The following NXPE3 variants were observed in gnomAD, a reference collection of about 807,000 sequenced individuals.
NXPE3 encodes the protein neurexophilin and PC-esterase domain family member 3, also known as NXPE family member 3.
Under a neutral mutation model 46.1 loss-of-function variants are expected in NXPE3, and 26 were observed. That is an observed-to-expected ratio of 0.56 (90% confidence interval 0.41 to 0.78). The LOEUF (loss-of-function observed/expected upper bound fraction) is 0.78. Ranked by LOEUF, NXPE3 falls within the 30% of genes least tolerant of loss-of-function variation. The pLI is 0.00. For missense variants in NXPE3, 620 were observed against 686.0 expected (o/e 0.90, Z 1.07); for synonymous variants, 272 against 257.9 (o/e 1.05, Z -0.52).
At chr3:101,809,963 GT>G in intron 6 of NXPE3, among the ~76,000 whole-genome samples, 1 of 152,224 alleles carries the variant, frequency 6.6e-6, no homozygotes, top group Middle Eastern at 3.4e-3. Context: ...ATATTTTGAA[GT>G]TTTTTCCCTG....
chr3:101,795,944 A>C (rs1292742900), intron 4 of NXPE3, among the ~76,000 whole-genome samples: 2 of 152,178 alleles, frequency 1.3e-5, no homozygotes, highest in Non-Finnish European at 2.9e-5. Context: ...GTACATGCCC[A>C]CCTGAAGAAA....
At chr3:101,810,775 C>T (rs1941668355) in intron 6 of NXPE3, among the ~76,000 whole-genome samples, 1 of 152,152 alleles carries the variant, frequency 6.6e-6, no homozygotes, top group African/African-American at 2.4e-5. Context: ...AGTCTTACAA[C>T]CACAAGTAAC....
chr3:101,796,534 C>T (rs1049936895), intron 4 of NXPE3, among the ~76,000 whole-genome samples: 3 of 152,176 alleles, frequency 2.0e-5, no homozygotes, highest in Non-Finnish European at 2.9e-5. Flanking sequence ...GCTGTAAGCA[C>T]ATGGTGCATG....
At chr3:101,807,464 C>T (rs112646180) in intron 6 of NXPE3, among the ~76,000 whole-genome samples, 1 of 151,978 alleles carries the variant, frequency 6.6e-6, no homozygotes, top group South Asian at 2.1e-4. Context: ...GGACTACAGG[C>T]ACACACCACC....
intron 6 of NXPE3, among the ~76,000 whole-genome samples, chr3:101,809,164 G>A (rs1941593746): frequency 6.6e-6 from 1 of 152,070 alleles, no homozygotes; most frequent in Non-Finnish European, 1.5e-5. Flanking sequence ...TGGTTAGAGG[G>A]AAGATAGATT....
At chr3:101,787,464 G>A (rs770289286) in intron 4 of NXPE3, among the ~76,000 whole-genome samples, 1 of 152,088 alleles carries the variant, frequency 6.6e-6, no homozygotes, top group Non-Finnish European at 1.5e-5. Context: ...GTGCCACCAC[G>A]CTTAGCTAAT....
chr3:101,795,887 G>C (rs1940804525), intron 4 of NXPE3, among the ~76,000 whole-genome samples: 1 of 152,150 alleles, frequency 6.6e-6, no homozygotes, highest in Non-Finnish European at 1.5e-5. Flanking sequence ...CCTCCTTCAT[G>C]GTTGATTGTA....
In NXPE3 at chr3:101,822,041, C is replaced by A; in HGVS notation, c.*87C>A. ...AGAAAGTGGCCCCAGTGAGAGATGA[C>A]TGCCCTTAATAAGTATAAAATTTCA... is the stretch of plus-strand genomic sequence containing the variant. On this transcript the variant is annotated 3_prime_UTR_variant, in exon 8 of 8. Coordinates refer to ENST00000273347, the MANE Select transcript of NXPE3 (RefSeq NM_145037.4). 8.5e-7 allele frequency: 1 copy of A among 1,182,932 alleles called. No homozygotes were observed. 73.3% of individuals were successfully genotyped at this position (1,182,932 alleles called of 1,614,324 possible). A position where few individuals can be genotyped will look rare whatever the true frequency, so the allele number is the denominator to read the frequency against.
At position 101,785,409 on chromosome 3, in the gene NXPE3, T is replaced by A. The variant is rs1241052433; in HGVS notation, c.-188T>A. 5 of 568,256 alleles carry A rather than the reference T, an allele frequency of 8.8e-6. No homozygotes were observed. Among genetic ancestry groups the A allele is most frequent in the Non-Finnish European group, 1.6e-5 (5 of 313,010 alleles). 35.2% of individuals were successfully genotyped at this position (568,256 alleles called of 1,614,324 possible). On this transcript the variant is annotated 5_prime_UTR_variant, in exon 4 of 8. In the 5' UTR this introduces an upstream ATG that the reference lacks. Transcript: ENST00000273347. ...CATCTCTCCTCTTTGAAGGATTTCTTTGAAGAAAAATGTGCTTCTTGAATC... is the reference window on the plus strand; with the variant it reads ...CATCTCTCCTCTTTGAAGGATTTCTATGAAGAAAAATGTGCTTCTTGAATC...
At chr3:101,780,401 C>T (rs375467718) in intron 1 of NXPE3, among the ~76,000 whole-genome samples, 1 of 152,182 alleles carries the variant, frequency 6.6e-6, no homozygotes, top group African/African-American at 2.4e-5. Flanking sequence ...TTAGCCTTCC[C>T]CATTGCCTGG....
chr3:101,784,419 A>AT (rs1940026591), intron 3 of NXPE3, among the ~76,000 whole-genome samples: 1 of 152,216 alleles, frequency 6.6e-6, no homozygotes, highest in East Asian at 1.9e-4. Flanking sequence ...TGGCATTGTC[A>AT]TTGTGGTTGG....
chr3:101,813,602 C>A (rs1315005621), intron 6 of NXPE3, among the ~76,000 whole-genome samples: 1 of 152,132 alleles, frequency 6.6e-6, no homozygotes, highest in Non-Finnish European at 1.5e-5. Flanking sequence ...TAAAAAATAT[C>A]CCTTCTGGTT....
intron 6 of NXPE3, among the ~76,000 whole-genome samples, chr3:101,810,796 C>G (rs11712841): frequency 3.3e-5 from 5 of 152,182 alleles, no homozygotes; most frequent in Middle Eastern, 3.4e-3. Context: ...TGAATTCTGG[C>G]AGCAACTTGA....
In NXPE3 at chr3:101,801,242, A is replaced by G. The variant is rs765568343; in HGVS notation, c.101A>G (p.Asp34Gly). The G allele has an allele frequency of 5.0e-6, 8 of 1,609,456 alleles. No individual in the cohort carries two copies. The highest frequency in any genetic ancestry group is 6.8e-6 in the Non-Finnish European group (8 of 1,177,518). ...TTGTGTCTTCTTCTTCAGTACTTGG[A>G]CCATGAGACTGTTTCAGCCACTTTC... ...VINVTQVEYL[D>G]HETVSATFID... Residue 34 changes from aspartate (D) to glycine (G), a missense_variant, in exon 5 of 8, where the codon GAC (aspartate) becomes GGC (glycine). By Grantham distance (94) the Asp-to-Gly change is moderately conservative. This residue lies in a region of NXPE3 where 511 missense variants were observed against 528.6 expected (regional missense o/e 0.97). Coordinates refer to ENST00000273347, the MANE Select transcript of NXPE3 (RefSeq NM_145037.4).
rs1942239754 is a variant in NXPE3, at chr3:101,821,402, A to G, written c.1130-2A>G. ...TATGAACTTGAGTTTTCCTTGTTTC[A>G]GATTTAGTGGAGTTTAACTTGGGTA... is the stretch of plus-strand genomic sequence containing the variant. On this transcript the variant is annotated splice_acceptor_variant, in intron 7 of 7. Coordinates refer to ENST00000273347, the MANE Select transcript of NXPE3 (RefSeq NM_145037.4). LOFTEE classifies it high-confidence loss of function. The G allele has an allele frequency of 3.1e-6, 5 of 1,606,016 alleles. No individual in the cohort carries two copies. Among genetic ancestry groups the G allele is most frequent in the Non-Finnish European group, 4.3e-6 (5 of 1,173,460 alleles).
chr3:101,816,380 G>C (rs1187534392), intron 6 of NXPE3, among the ~76,000 whole-genome samples: 1 of 151,914 alleles, frequency 6.6e-6, no homozygotes, highest in Non-Finnish European at 1.5e-5. Flanking sequence ...CCATCATCTA[G>C]GTTTTAAGCC....
Position 101,816,848 on chromosome 3 carries a change from T to C in NXPE3, c.976T>C (p.Tyr326His). 2 of 1,614,138 alleles carry C rather than the reference T, an allele frequency of 1.2e-6. No homozygotes were observed. The highest frequency in any genetic ancestry group is 1.7e-5 in the Admixed American group (1 of 60,022). Residue 326 changes from tyrosine to histidine, a missense_variant, in exon 7 of 8, where the codon TAT becomes CAT. Physicochemically the swap from Tyr to His is moderately conservative, Grantham distance 83 (BLOSUM62 2). Transcript: ENST00000273347. ...QGSGTFPSGY[Y>H]YKDQWRPRKF... ...CTCAGGAACTTTTCCTTCTGGGTAT[T>C]ATTATAAAGACCAGTGGAGGCCCAG...
rs1184055515 is a variant in NXPE3 at position 101,818,739 on chromosome 3, ATATATATATATATATTTTTTTTTTT to A, written c.1129+1740_1129+1764del. ...TTTATATATATATATATATATATAT[ATATATATATATATATTTTTTTTTTT>A]TTTTTTTTTTTTTTTTTTTGAGATG... On this transcript the variant is annotated intron_variant, in intron 7 of 7. Coordinates refer to ENST00000273347, the MANE Select transcript of NXPE3 (RefSeq NM_145037.4). 2.9e-3 allele frequency among the ~76,000 whole-genome samples: 84 copies of A among 29,018 alleles called. 3 individuals are homozygous for A. Among genetic ancestry groups the A allele is most frequent in the African/African-American group, 9.3e-3 (79 of 8,502 alleles). 19.0% of individuals were successfully genotyped at this position (29,018 alleles called of 152,430 possible).
intron 4 of NXPE3, 121 bp from the exon 5 acceptor site, chr3:101,801,114 A>G (rs528241044): frequency 9.3e-7 from 1 of 1,076,832 alleles, no homozygotes; most frequent in South Asian, 1.6e-5. Flanking sequence ...ATTCACTGTG[A>G]GAATCTGATT....
Sources: gnomAD v4.1 joint callset for allele counts (sites outside exome capture counted in the v4.1 genomes callset) on GRCh38, gnomAD v4.1.1 for gene constraint, gnomAD v4.1.1 regional missense constraint, MANE v1.5 for transcripts, NCBI Gene and HGNC (gene_info 2026-07-23, HGNC 2026-07-21) for gene names.